BRAF: variants seen among roughly 807,000 people sequenced by gnomAD.
BRAF encodes serine/threonine-protein kinase B-raf.
A neutral mutation model predicts 104.6 loss-of-function variants in BRAF; 16 were observed. That is an observed-to-expected ratio of 0.15 (90% CI 0.10 to 0.23). BRAF has a LOEUF of 0.23. BRAF is among the 10% of genes least tolerant of loss of function. The pLI, the probability that BRAF is intolerant of heterozygous loss-of-function variation, is 1.00. For synonymous variants in BRAF, 310 were observed against 341.6 expected (o/e 0.91, Z 1.02); for missense variants, 541 against 937.3 (o/e 0.58, Z 5.52).
downstream of BRAF, among the ~76,000 whole-genome samples, chr7:140,718,075 T>C (rs1438346330): frequency 6.6e-6 from 1 of 152,156 alleles, no homozygotes; most frequent in Non-Finnish European, 1.5e-5. Flanking sequence ...TTCATATTAT[T>C]CTCAGACATA....
Position 140,734,703 on chromosome 7 carries a change from G to A in BRAF, c.2315C>T (p.Ser772Phe), listed in dbSNP as rs758134174. Residue 772 changes from serine (S) to phenylalanine (F), a missense_variant, in exon 19 of 20, where the codon TCC becomes TTC. Transcript: ENST00000644969. ...TGTTTGGAAACCAGCCCGATTCAAGGAGGGTTCTGATGCACTGCGGTGAAT... is the reference window on the plus strand; with the variant it reads ...TGTTTGGAAACCAGCCCGATTCAAGAAGGGTTCTGATGCACTGCGGTGAAT... ...PKIHRSASEP[S>F]LNRAGFQTED... The A allele has an allele frequency of 3.1e-6, 5 of 1,610,388 alleles. No individual in the cohort carries two copies. Among genetic ancestry groups the A allele is most frequent in the Non-Finnish European group, 4.2e-6 (5 of 1,179,488 alleles).
At chr7:140,769,607 T>C (rs915047030) in intron 14 of BRAF, among the ~76,000 whole-genome samples, 2 of 152,260 alleles carry the variant, frequency 1.3e-5, no homozygotes, top group African/African-American at 4.8e-5. Context: ...TTGATACATA[T>C]ATAATCCACT....
intron 1 of BRAF, among the ~76,000 whole-genome samples, chr7:140,894,095 C>T (rs756141158): frequency 1.2e-4 from 18 of 152,142 alleles, no homozygotes; most frequent in African/African-American, 4.3e-4. Flanking sequence ...GATCACAACA[C>T]TGCACTCCAG....
Position 140,725,584 on chromosome 7 carries a change from T to C in BRAF, c.*910A>G. 4.7e-6 allele frequency: 5 copies of C among 1,057,126 alleles called. No individual in the cohort carries two copies. The highest frequency in any genetic ancestry group is 5.7e-6 in the Non-Finnish European group (5 of 874,120). The allele number at this position is 1,057,126 out of a possible 1,614,324, so 65.5% of individuals were successfully genotyped here. On this transcript the variant is annotated 3_prime_UTR_variant, in exon 20 of 20. Transcript: ENST00000644969. ...GCAGTTTTGTGGGGGTTTAGTTAGA[T>C]ACTGCCACGGCATTTTGTGCCCTGG...
At chr7:140,773,407 C>T (rs957218675) in intron 14 of BRAF, 4 of 152,148 alleles carry the variant, frequency 2.6e-5, no homozygotes, top group African/African-American at 9.7e-5. Flanking sequence ...TTCGAATCTT[C>T]TGCATTTCGG....
intron 2 of BRAF, among the ~76,000 whole-genome samples, chr7:140,849,282 G>A (rs967326863): frequency 1.3e-5 from 2 of 152,072 alleles, no homozygotes; most frequent in Non-Finnish European, 2.9e-5. Context: ...TAACTCATAG[G>A]ATTAATGAAT....
At chr7:140,909,624 C>G (rs574946317) in intron 1 of BRAF, among the ~76,000 whole-genome samples, 11 of 152,156 alleles carry the variant, frequency 7.2e-5, no homozygotes, top group Non-Finnish European at 1.6e-4. Context: ...CCATCAATTA[C>G]GTGATTTTCT....
intron 1 of BRAF, among the ~76,000 whole-genome samples, chr7:140,902,721 C>A (rs1289627377): frequency 6.6e-6 from 1 of 152,040 alleles, no homozygotes; most frequent in East Asian, 1.9e-4. Context: ...TTGCTTGAGG[C>A]CAGGAGTTTG....
At chr7:140,783,438 C>T in intron 10 of BRAF, 1 of 303,152 alleles carries the variant, frequency 3.3e-6, no homozygotes, top group Non-Finnish European at 6.1e-6. Flanking sequence ...AAAACAATCT[C>T]TCTAAAACAA....
At chr7:140,828,967 G>A (rs1806391159) in intron 3 of BRAF, among the ~76,000 whole-genome samples, 1 of 152,086 alleles carries the variant, frequency 6.6e-6, no homozygotes, top group South Asian at 2.1e-4. Context: ...ACTCACAACT[G>A]ACTGACTGCA....
At chr7:140,918,331 T>G (rs1423340119) in intron 1 of BRAF, among the ~76,000 whole-genome samples, 1 of 152,110 alleles carries the variant, frequency 6.6e-6, no homozygotes, top group Non-Finnish European at 1.5e-5. Context: ...CATCAGGCAT[T>G]AGATTCTCAC....
intron 6 of BRAF, chr7:140,801,040 G>A (rs908398851): frequency 2.8e-5 from 6 of 214,494 alleles, no homozygotes; most frequent in South Asian, 7.7e-5. Context: ...GAATATAAAC[G>A]TAATTTACAA....
At chr7:140,808,634 A>G (rs1317010586) in intron 4 of BRAF, among the ~76,000 whole-genome samples, 1 of 152,116 alleles carries the variant, frequency 6.6e-6, no homozygotes. Flanking sequence ...CACACTCTGA[A>G]TGGTTCAAAA....
chr7:140,810,656 T>TA (rs1586247452), intron 3 of BRAF, among the ~76,000 whole-genome samples: 3 of 152,216 alleles, frequency 2.0e-5, no homozygotes. Flanking sequence ...CTGGAAGTAT[T>TA]AAAGAGACTG....
At chr7:140,847,353 G>C (rs1393613582) in intron 2 of BRAF, among the ~76,000 whole-genome samples, 1 of 151,934 alleles carries the variant, frequency 6.6e-6, no homozygotes. Context: ...GAGGCCAAGG[G>C]GGGCAGATCA....
At chr7:140,888,364 A>G (rs189569060) in intron 1 of BRAF, among the ~76,000 whole-genome samples, 53 of 152,174 alleles carry the variant, frequency 3.5e-4, no homozygotes, top group African/African-American at 1.1e-3. Flanking sequence ...CGTATGGATT[A>G]TGTTACCAAG....
Position 140,721,830 on chromosome 7 carries a change from C to T in BRAF, c.*4664G>A. 7.3e-7 allele frequency: 1 copy of T among 1,365,690 alleles called. No individual in the cohort carries two copies. The highest frequency in any genetic ancestry group is 1.8e-5 in the South Asian group (1 of 54,696). The allele number at this position is 1,365,690 out of a possible 1,614,324, so 84.6% of individuals were successfully genotyped here. A position where few individuals can be genotyped will look rare whatever the true frequency, so the allele number is the denominator to read the frequency against. On this transcript the variant is annotated 3_prime_UTR_variant, in exon 20 of 20. Transcript: ENST00000644969. ...CAGGTCATAAAGGATGCCTTGAGAC[C>T]TCCACCCTGGCCCCCACAGCGCTTT...
intron 19 of BRAF, among the ~76,000 whole-genome samples, chr7:140,726,694 T>C (rs1563224428): frequency 6.6e-6 from 1 of 152,154 alleles, no homozygotes; most frequent in African/African-American, 2.4e-5. Flanking sequence ...ACAACATATA[T>C]AGTATACAGA....
chr7:140,728,773 C>T (rs1458378319), intron 19 of BRAF, among the ~76,000 whole-genome samples: 1 of 151,470 alleles, frequency 6.6e-6, no homozygotes, highest in Non-Finnish European at 1.5e-5. Flanking sequence ...TGTATCTAGC[C>T]AAATCAAATC....
Sources: gnomAD v4.1 joint callset for allele counts (sites outside exome capture counted in the v4.1 genomes callset) on GRCh38, gnomAD v4.1.1 for gene constraint, MANE v1.5 for transcripts, NCBI Gene and HGNC (gene_info 2026-07-23, HGNC 2026-07-21) for gene names.